The following RAB3GAP2 variants were observed in gnomAD, a reference collection of about 807,000 sequenced individuals.
The protein encoded by RAB3GAP2 is rab3 GTPase-activating protein non-catalytic subunit.
A neutral mutation model predicts 185.3 loss-of-function variants in RAB3GAP2; 87 were observed. The ratio of observed to expected loss-of-function variants is 0.47; its 90% CI spans 0.39 to 0.56. The LOEUF (loss-of-function observed/expected upper bound fraction) is 0.56. Ranked by LOEUF, RAB3GAP2 falls within the 20% of genes least tolerant of loss-of-function variation. The probability of loss-of-function intolerance (pLI) is 0.00; values close to 1 mark genes in which losing one functional copy is unlikely to be tolerated. For synonymous variants in RAB3GAP2, 554 were observed against 576.1 expected, an observed-to-expected ratio of 0.96 and a Z score of 0.55; for missense variants, 1,492 against 1,638.2, an observed-to-expected ratio of 0.91 and a Z score of 1.54.
chr1:220,170,322 T>A (rs1212183723), intron 24 of RAB3GAP2, among the ~76,000 whole-genome samples: 1 of 152,060 alleles, frequency 6.6e-6, no homozygotes, highest in Non-Finnish European at 1.5e-5. Context: ...ATGTCGATGA[T>A]GGGTTGATGG....
intron 13 of RAB3GAP2, 70 bp downstream of exon 13, chr1:220,193,170 A>G (rs1363114744): frequency 9.6e-6 from 15 of 1,562,318 alleles, no homozygotes; most frequent in Non-Finnish European, 1.8e-6. Flanking sequence ...AAGCTGAAGG[A>G]TGATAACATT....
rs1272318282 is a variant in RAB3GAP2, at chr1:220,189,906, A to G, written c.1715-139T>C. ...TCTCTCACATTAATGTTTTCTTGTT[A>G]TGAATTATAACACCCTCTAGATGGC... is the stretch of plus-strand genomic sequence containing the variant. On this transcript the variant is annotated intron_variant, in intron 16 of 34. Transcript: ENST00000358951. The G allele has an allele frequency of 4.7e-6, 5 of 1,055,070 alleles. No homozygotes were observed. In the African/African-American group the frequency reaches 4.8e-5, roughly 10 times the overall value. The allele number at this position is 1,055,070 out of a possible 1,614,324, so 65.4% of individuals were successfully genotyped here.
intron 1 of RAB3GAP2, among the ~76,000 whole-genome samples, chr1:220,251,628 TATG>T (rs1659931440): frequency 6.6e-6 from 1 of 152,228 alleles, no homozygotes; most frequent in Non-Finnish European, 1.5e-5. Flanking sequence ...CTGATCATAT[TATG>T]ATAATAAGTG....
At position 220,151,134 on chromosome 1, in the gene RAB3GAP2, C is replaced by T. The variant is rs1489075975; in HGVS notation, c.*117G>A. The T allele has an allele frequency of 8.9e-7, 1 of 1,121,680 alleles. No homozygotes were observed. Among genetic ancestry groups the T allele is most frequent in the African/African-American group, 1.6e-5 (1 of 62,730 alleles). The allele number at this position is 1,121,680 out of a possible 1,614,324, so 69.5% of individuals were successfully genotyped here. On this transcript the variant is annotated 3_prime_UTR_variant, in exon 35 of 35. Coordinates refer to ENST00000358951, the MANE Select transcript of RAB3GAP2 (RefSeq NM_012414.4). ...GTTGTATATACTTTTATTTATTTTA[C>T]AAAAGGAAAAAAAAAGACATACTTT...
chr1:220,230,507 A>T (rs559039410), intron 2 of RAB3GAP2, among the ~76,000 whole-genome samples: 1 of 152,296 alleles, frequency 6.6e-6, no homozygotes, highest in East Asian at 1.9e-4. Flanking sequence ...TAATTCTCCT[A>T]GAGGTCTTCT....
chr1:220,199,066 AG>A (rs1416548377), intron 9 of RAB3GAP2, among the ~76,000 whole-genome samples: 1 of 152,130 alleles, frequency 6.6e-6, no homozygotes, highest in African/African-American at 2.4e-5. Flanking sequence ...ATGAACAGGG[AG>A]GGGAACCCTA....
At chr1:220,241,650 C>T (rs961283549) in intron 1 of RAB3GAP2, among the ~76,000 whole-genome samples, 6 of 151,786 alleles carry the variant, frequency 4.0e-5, no homozygotes, top group African/African-American at 1.5e-4. Flanking sequence ...TCCTATACAT[C>T]GGAATTATTA....
intron 21 of RAB3GAP2, among the ~76,000 whole-genome samples, chr1:220,176,399 G>T (rs1276273836): frequency 2.6e-5 from 4 of 152,152 alleles, no homozygotes. Context: ...CAATAAGGTG[G>T]TTGATCTGTC....
chr1:220,171,783 T>G, intron 23 of RAB3GAP2, 106 bp downstream of exon 23: 2 of 1,270,652 alleles, frequency 1.6e-6, no homozygotes, highest in Non-Finnish European at 2.3e-6. Context: ...GCACCTCTCA[T>G]CCCTCTCCCC....
chr1:220,199,815 AC>A (rs935838747), intron 9 of RAB3GAP2, among the ~76,000 whole-genome samples: 2 of 152,166 alleles, frequency 1.3e-5, no homozygotes, highest in African/African-American at 4.8e-5. Context: ...CTGAGCAAGT[AC>A]AAAAGGTATC....
rs896006123 is a variant in RAB3GAP2 at position 220,182,120 on chromosome 1, C to A, written c.2310+137G>T. ...TATTAAATATGGTGATTAAAATTTTCTTTGATCATTTTTAGAAAGTTTTCA... is the reference window on the plus strand; with the variant it reads ...TATTAAATATGGTGATTAAAATTTTATTTGATCATTTTTAGAAAGTTTTCA... On this transcript the variant is annotated intron_variant, in intron 21 of 34. Coordinates refer to ENST00000358951, the MANE Select transcript of RAB3GAP2 (RefSeq NM_012414.4). The A allele has an allele frequency of 6.4e-6, 9 of 1,399,382 alleles. No homozygotes were observed. The African/African-American group carries it at 1.2e-4, about 18-fold the overall frequency. The allele number at this position is 1,399,382 out of a possible 1,614,324, so 86.7% of individuals were successfully genotyped here.
chr1:220,151,295 G>C lies in RAB3GAP2; in HGVS notation c.4138C>G (p.His1380Asp). The change falls in exon 35 of 35, where the codon CAC (histidine) becomes GAC (aspartate). Residue 1380 changes from histidine to aspartate, a missense_variant. His to Asp is a moderately conservative substitution (Grantham distance 81). This residue lies in a region of RAB3GAP2 where 387 missense variants were observed against 455.3 expected (regional missense o/e 0.85). Coordinates refer to ENST00000358951, the MANE Select transcript of RAB3GAP2 (RefSeq NM_012414.4). ...EKHGQYGLAL[H>D]LIEAVEAISL... is the part of the protein sequence containing the mutation. ...ATGGCTTCCACAGCTTCAATGAGGT[G>C]TAAGGCTAGACCATATTGCCCATGT... is the stretch of plus-strand genomic sequence containing the variant. The C allele has an allele frequency of 6.2e-7, 1 of 1,614,046 alleles. No individual in the cohort carries two copies. Among genetic ancestry groups the C allele is most frequent in the East Asian group, 2.2e-5 (1 of 44,862 alleles).
At chr1:220,168,853 C>T (rs1294413359) in intron 24 of RAB3GAP2, among the ~76,000 whole-genome samples, 9 of 152,186 alleles carry the variant, frequency 5.9e-5, no homozygotes, top group Non-Finnish European at 1.2e-4. Context: ...TTAACGAGTC[C>T]TGTTTATTAT....
intron 2 of RAB3GAP2, among the ~76,000 whole-genome samples, chr1:220,228,529 C>T: frequency 6.6e-6 from 1 of 152,054 alleles, no homozygotes; most frequent in East Asian, 1.9e-4. Flanking sequence ...CGTTTTTGTT[C>T]CCACCCACCA....
intron 1 of RAB3GAP2, among the ~76,000 whole-genome samples, chr1:220,265,077 C>T (rs888224794): frequency 1.3e-5 from 2 of 152,030 alleles, no homozygotes; most frequent in African/African-American, 4.8e-5. Context: ...TTTAAAGAAA[C>T]CCAGTAACTC....
At chr1:220,202,664 C>T (rs540505436) in intron 8 of RAB3GAP2, among the ~76,000 whole-genome samples, 5 of 152,146 alleles carry the variant, frequency 3.3e-5, no homozygotes, top group South Asian at 4.2e-4. Context: ...GAATTCAGGC[C>T]GGGCATGGTG....
intron 1 of RAB3GAP2, chr1:220,266,905 T>C (rs1453194676): frequency 1.9e-6 from 3 of 1,590,260 alleles, no homozygotes; most frequent in Non-Finnish European, 2.6e-6. Context: ...TATTCTTTTG[T>C]AGGTCTCTTG....
intron 19 of RAB3GAP2, among the ~76,000 whole-genome samples, chr1:220,183,763 A>T (rs1409341775): frequency 6.6e-6 from 1 of 152,114 alleles, no homozygotes; most frequent in African/African-American, 2.4e-5. Context: ...CAGGGATACA[A>T]CCTGCTAGGC....
intron 23 of RAB3GAP2, among the ~76,000 whole-genome samples, chr1:220,171,491 T>C (rs1466958645): frequency 6.6e-6 from 1 of 152,206 alleles, no homozygotes; most frequent in African/African-American, 2.4e-5. Flanking sequence ...ATCTGAAATT[T>C]CATCTCTCTC....
Sources: allele counts gnomAD v4.1 joint callset (sites outside exome capture counted in the v4.1 genomes callset), GRCh38; gene constraint gnomAD v4.1.1; regional missense constraint gnomAD v4.1.1; transcripts MANE v1.5; gene names NCBI Gene and HGNC (gene_info 2026-07-23, HGNC 2026-07-21).